ZFHX3: variants seen among roughly 807,000 people sequenced by gnomAD.
The protein encoded by ZFHX3 is zinc finger homeobox 3, also known as zinc finger homeobox protein 3.
In ZFHX3, 42 loss-of-function variants were observed where a neutral mutation model predicts 279.1. That is an observed-to-expected ratio of 0.15 (90% CI 0.12 to 0.19). The LOEUF (loss-of-function observed/expected upper bound fraction) is 0.19. Among genes scored for constraint, ZFHX3 ranks in the 10% least tolerant of loss-of-function variants. The pLI is 1.00. For synonymous variants in ZFHX3, 2,293 were observed against 1,957.8 expected, an observed-to-expected ratio of 1.17 and a Z score of -4.52; for missense variants, 4,981 against 4,754.0, an observed-to-expected ratio of 1.05 and a Z score of -1.40.
intron 2 of ZFHX3, among the ~76,000 whole-genome samples, chr16:73,600,001 G>C (rs887550418): frequency 6.6e-6 from 1 of 152,164 alleles, no homozygotes; most frequent in African/African-American, 2.4e-5. Context: ...CCCACTTTTG[G>C]GGTAAGTTTG....
intron 4 of ZFHX3, chr16:73,294,194 C>G (rs2014846660): frequency 6.6e-6 from 1 of 152,030 alleles, no homozygotes; most frequent in Admixed American, 6.5e-5. Flanking sequence ...TTTTATTTCA[C>G]AAATGTGGTT....
chr16:73,605,249 G>A (rs1032294340), intron 2 of ZFHX3, among the ~76,000 whole-genome samples: 5 of 152,146 alleles, frequency 3.3e-5, no homozygotes, highest in African/African-American at 1.2e-4. Context: ...AAACACTCAC[G>A]GCAGCAGGGA....
chr16:73,733,973 C>A (rs1208566855), intron 1 of ZFHX3, among the ~76,000 whole-genome samples: 2 of 152,144 alleles, frequency 1.3e-5, no homozygotes, highest in East Asian at 3.9e-4. Context: ...TCATGGAAGA[C>A]AATTTTTCCA....
intron 7 of ZFHX3, among the ~76,000 whole-genome samples, chr16:72,801,855 C>T (rs752272500): frequency 4.6e-5 from 7 of 150,844 alleles, no homozygotes; most frequent in African/African-American, 1.2e-4. Context: ...GAAAGGTCAC[C>T]GATTAATTTG....
intron 3 of ZFHX3, among the ~76,000 whole-genome samples, chr16:72,919,211 T>C (rs1283348775): frequency 6.6e-6 from 1 of 151,714 alleles, no homozygotes; most frequent in Non-Finnish European, 1.5e-5. Flanking sequence ...GGCTGGAGTG[T>C]GCAGAGGTAT....
At position 72,886,891 on chromosome 16, in the gene ZFHX3, C is replaced by T. The variant is rs558580749; in HGVS notation, c.3448+2840G>A. Among the ~76,000 whole-genome samples the T allele has an allele frequency of 5.3e-5, 8 of 152,294 alleles. No individual in the cohort carries two copies. The East Asian group carries it at 9.7e-4, about 18-fold the overall frequency. On this transcript the variant is annotated intron_variant, in intron 4 of 9. Coordinates refer to ENST00000268489, the MANE Select transcript of ZFHX3 (RefSeq NM_006885.4). ...ACTCCTGAGAGTGCTCCCATGTAGA[C>T]GGATGGGATCAGAGGCAAAGCAGAA... is the stretch of plus-strand genomic sequence containing the variant.
At chr16:73,671,581 G>C (rs1002979515) in intron 2 of ZFHX3, among the ~76,000 whole-genome samples, 5 of 152,220 alleles carry the variant, frequency 3.3e-5, no homozygotes, top group Admixed American at 3.3e-4. Flanking sequence ...TAACCTGGCA[G>C]GGTGCCTGCA....
At chr16:73,697,155 G>C (rs967286946) in intron 1 of ZFHX3, among the ~76,000 whole-genome samples, 7 of 151,074 alleles carry the variant, frequency 4.6e-5, no homozygotes, top group African/African-American at 1.7e-4. Context: ...ACTTATTTCT[G>C]GTTTATTTCA....
chr16:73,422,349 C>G (rs2017733843), intron 3 of ZFHX3, among the ~76,000 whole-genome samples: 2 of 152,292 alleles, frequency 1.3e-5, no homozygotes, highest in South Asian at 4.1e-4. Flanking sequence ...AATAAAATGT[C>G]TGAAACTAAT....
chr16:72,888,754 C>T (rs964236280), intron 4 of ZFHX3, among the ~76,000 whole-genome samples: 1 of 152,196 alleles, frequency 6.6e-6, no homozygotes, highest in Non-Finnish European at 1.5e-5. Context: ...CTGTGTCAAT[C>T]AAAGATCAGC....
intron 4 of ZFHX3, among the ~76,000 whole-genome samples, chr16:73,266,502 G>T (rs547092743): frequency 6.6e-6 from 1 of 152,280 alleles, no homozygotes; most frequent in South Asian, 2.1e-4. Context: ...TTTTTACAAT[G>T]CTACTGTGAA....
At chr16:73,297,022 C>A (rs144552929) in intron 4 of ZFHX3, among the ~76,000 whole-genome samples, 1 of 149,988 alleles carries the variant, frequency 6.7e-6, no homozygotes, top group Non-Finnish European at 1.5e-5. Context: ...GGACTACAGG[C>A]GCCCACCACC....
chr16:73,570,974 A>C (rs1034536571), intron 2 of ZFHX3, among the ~76,000 whole-genome samples: 4 of 150,930 alleles, frequency 2.7e-5, no homozygotes. Flanking sequence ...ATCTGCAAAC[A>C]CTGTGTTAAG....
At chr16:73,799,489 T>C (rs1960084172) in intron 1 of ZFHX3, among the ~76,000 whole-genome samples, 1 of 152,058 alleles carries the variant, frequency 6.6e-6, no homozygotes, top group Non-Finnish European at 1.5e-5. Context: ...TCTGCAAAGA[T>C]GGAGAAGGGA....
At chr16:72,906,310 G>C (rs141833755) in intron 3 of ZFHX3, among the ~76,000 whole-genome samples, 378 of 152,216 alleles carry the variant, frequency 2.5e-3, no homozygotes, top group Middle Eastern at 0.014. Flanking sequence ...CACTCAGTAA[G>C]TTCACTGTAC....
chr16:73,840,200 C>A lies in ZFHX3; in HGVS notation c.-1608+51451G>T, dbSNP rs115970756. On this transcript the variant is annotated intron_variant, in intron 1 of 17. Coordinates refer to the ZFHX3 transcript ENST00000641206. ...CTGGGCTCTGAGGGGTGAGGATGAA[C>A]GTAGCAGGGAGGTAAGATGGGGAGA... Among the ~76,000 whole-genome samples, 411 of 152,062 alleles carry A rather than the reference C, an allele frequency of 2.7e-3. 5 individuals carry two copies. The highest frequency in any genetic ancestry group is 8.5e-3 in the African/African-American group (354 of 41,482).
intron 1 of ZFHX3, among the ~76,000 whole-genome samples, chr16:73,696,286 G>A (rs2053196954): frequency 6.6e-6 from 1 of 152,192 alleles, no homozygotes; most frequent in Admixed American, 6.5e-5. Context: ...ATAGAGAGGT[G>A]AGTTCCCCAT....
chr16:72,932,775 C>T (rs573728924), intron 3 of ZFHX3, among the ~76,000 whole-genome samples: 17 of 152,010 alleles, frequency 1.1e-4, no homozygotes, highest in African/African-American at 3.4e-4. Flanking sequence ...TCTAAGAAGA[C>T]GATGGGAAAT....
rs9934333 is a variant in ZFHX3 at position 73,666,867 on chromosome 16, G to T, written c.-1547+13313C>A. 2.4e-3 allele frequency among the ~76,000 whole-genome samples: 363 copies of T among 152,130 alleles called. 13 individuals are homozygous for T. The highest frequency in any genetic ancestry group is 8.2e-3 in the African/African-American group (341 of 41,374). On this transcript the variant is annotated intron_variant, in intron 2 of 17. Transcript: ENST00000641206. ...AATGAAATGGAATCTGCAGCATGGAGATGTTTGAGTCTGGCTTCTTTCACT... is the reference window on the plus strand; with the variant it reads ...AATGAAATGGAATCTGCAGCATGGATATGTTTGAGTCTGGCTTCTTTCACT...
Sources: allele counts gnomAD v4.1 joint callset (sites outside exome capture counted in the v4.1 genomes callset), GRCh38; gene constraint gnomAD v4.1.1; transcripts MANE v1.5; gene names NCBI Gene and HGNC (gene_info 2026-07-23, HGNC 2026-07-21).